The following LTBP1 variants were observed in gnomAD, a reference collection of about 807,000 sequenced individuals.
The protein encoded by LTBP1 is latent transforming growth factor beta binding protein 1.
Under a neutral mutation model 207.6 loss-of-function variants are expected in LTBP1, and 129 were observed. The ratio of observed to expected loss-of-function variants is 0.62; its 90% CI spans 0.54 to 0.72. The LOEUF (loss-of-function observed/expected upper bound fraction) is 0.72. Ranked by LOEUF, LTBP1 falls within the 30% of genes least tolerant of loss-of-function variation. The pLI is 0.00. For missense variants in LTBP1, 2,281 were observed against 2,217.2 expected (o/e 1.03, Z -0.58); for synonymous variants, 963 against 833.7 (o/e 1.16, Z -2.67).
At chr2:32,986,430 G>A (rs143555903) in intron 2 of LTBP1, among the ~76,000 whole-genome samples, 142 of 152,308 alleles carry the variant, frequency 9.3e-4, no homozygotes, top group Admixed American at 3.2e-3. Flanking sequence ...TTGTTTATTG[G>A]CAGGTAACTG....
At chr2:33,328,116 C>T (rs13414720) in intron 24 of LTBP1, among the ~76,000 whole-genome samples, 48,287 of 136,636 alleles carry the variant, frequency 0.35, 8,689 homozygotes, top group Non-Finnish European at 0.41. Flanking sequence ...GCTTGGACAA[C>T]AAGAGTGAGA....
chr2:33,274,902 G>C, intron 16 of LTBP1, 63 bp from the exon 17 acceptor site: 1 of 1,541,876 alleles, frequency 6.5e-7, no homozygotes, highest in Non-Finnish European at 8.9e-7. Flanking sequence ...GTATTTTACA[G>C]AACAGGGAAA....
At chr2:33,389,978 T>G (rs112029218) in intron 32 of LTBP1, among the ~76,000 whole-genome samples, 3 of 152,302 alleles carry the variant, frequency 2.0e-5, no homozygotes, top group African/African-American at 7.2e-5. Context: ...TCTCTTCTCT[T>G]TAAGTGGTGG....
intron 32 of LTBP1, among the ~76,000 whole-genome samples, chr2:33,391,388 A>G (rs1258966084): frequency 6.6e-6 from 1 of 152,082 alleles, no homozygotes; most frequent in African/African-American, 2.4e-5. Context: ...AAGACTGTGC[A>G]CTTAGGGTTT....
intron 5 of LTBP1, among the ~76,000 whole-genome samples, chr2:33,181,099 C>A (rs1312413525): frequency 6.6e-6 from 1 of 152,128 alleles, no homozygotes; most frequent in Admixed American, 6.6e-5. Flanking sequence ...TGTCTGCTGG[C>A]ACAGAAAGCC....
chr2:33,260,310 A>G (rs1210053452), intron 13 of LTBP1, among the ~76,000 whole-genome samples: 2 of 152,294 alleles, frequency 1.3e-5, no homozygotes, highest in African/African-American at 2.4e-5. Flanking sequence ...GAGAACTACT[A>G]TGATATATTG....
chr2:33,048,944 A>T (rs1253137591), intron 3 of LTBP1, among the ~76,000 whole-genome samples: 1 of 152,240 alleles, frequency 6.6e-6, no homozygotes, highest in African/African-American at 2.4e-5. Flanking sequence ...GGCCTTCTGC[A>T]TGATATTTAG....
At chr2:32,954,570 A>G (rs1192519180) in intron 2 of LTBP1, among the ~76,000 whole-genome samples, 1 of 85,836 alleles carries the variant, frequency 1.2e-5, no homozygotes, top group Non-Finnish European at 2.5e-5. Flanking sequence ...CAATGATCCC[A>G]TTTTACCTTG....
chr2:33,367,678 C>A (rs758380982), intron 31 of LTBP1, among the ~76,000 whole-genome samples: 5 of 152,096 alleles, frequency 3.3e-5, no homozygotes, highest in African/African-American at 1.2e-4. Flanking sequence ...GTAAAACACA[C>A]GATTTTATTC....
intron 3 of LTBP1, among the ~76,000 whole-genome samples, chr2:33,103,585 A>ATGTGTGTGTGTGTGTGTG (rs1558640670): frequency 1.8e-4 from 14 of 77,212 alleles, no homozygotes; most frequent in African/African-American, 5.4e-4. Flanking sequence ...GTCTCCGTTT[A>ATGTGTGTGTGTGTGTGTG]CGTGTGTGTG....
At position 33,118,212 on chromosome 2, in the gene LTBP1, A is replaced by C. The variant is rs200770258; in HGVS notation, c.1033+7461A>C. Reference sequence around the variant, plus strand: ...GTGCAAAAAAAAAAAAACAAAAAAAAAACAACAAAAAAAACTGTCTTTGGG... The same window carrying C: ...GTGCAAAAAAAAAAAAACAAAAAAACAACAACAAAAAAAACTGTCTTTGGG... On this transcript the variant is annotated intron_variant, in intron 4 of 33. Coordinates refer to ENST00000404816, the MANE Select transcript of LTBP1 (RefSeq NM_206943.4). 9.1e-3 allele frequency among the ~76,000 whole-genome samples: 1,374 copies of C among 151,792 alleles called. 15 individuals carry two copies. Among genetic ancestry groups the C allele is most frequent in the East Asian group, 0.015 (75 of 5,170 alleles).
chr2:33,092,195 G>A lies in LTBP1; in HGVS notation c.864-18387G>A, dbSNP rs202027547. On this transcript the variant is annotated intron_variant, in intron 3 of 33. Transcript: ENST00000404816. ...CGTGCGCATGCACACACACACACAC[G>A]CGCACACACACACACACACAGTTTG... Among the ~76,000 whole-genome samples the A allele has an allele frequency of 4.2e-3, 633 of 149,096 alleles. 3 individuals are homozygous for A. The highest frequency in any genetic ancestry group is 0.017 in the Middle Eastern group (5 of 292).
intron 3 of LTBP1, among the ~76,000 whole-genome samples, chr2:33,030,385 C>G (rs979981395): frequency 5.3e-5 from 8 of 152,154 alleles, no homozygotes; most frequent in South Asian, 2.1e-4. Context: ...GCTCTTTTCT[C>G]TCCCTCTCCA....
intron 31 of LTBP1, among the ~76,000 whole-genome samples, chr2:33,382,164 G>A (rs1052178246): frequency 3.9e-5 from 5 of 127,464 alleles, no homozygotes; most frequent in South Asian, 2.6e-4. Flanking sequence ...GTGCGATCTC[G>A]GTTCACTGCA....
At chr2:33,352,307 T>G (rs1304625418) in intron 26 of LTBP1, among the ~76,000 whole-genome samples, 1 of 152,034 alleles carries the variant, frequency 6.6e-6, no homozygotes, top group Non-Finnish European at 1.5e-5. Context: ...AATTTTTGTA[T>G]TTTTAGTAGA....
intron 7 of LTBP1, among the ~76,000 whole-genome samples, chr2:33,200,615 A>C (rs889092354): frequency 6.6e-6 from 1 of 152,236 alleles, no homozygotes; most frequent in Admixed American, 6.5e-5. Context: ...CAAAAGCCAA[A>C]ATTGACAAAT....
intron 5 of LTBP1, among the ~76,000 whole-genome samples, chr2:33,170,019 A>G (rs1001648312): frequency 6.6e-6 from 1 of 152,230 alleles, no homozygotes; most frequent in African/African-American, 2.4e-5. Flanking sequence ...ATCCAGGGGA[A>G]GCAGCCAAGA....
chr2:33,100,736 T>A (rs970376060), intron 3 of LTBP1, among the ~76,000 whole-genome samples: 2 of 152,178 alleles, frequency 1.3e-5, no homozygotes, highest in Non-Finnish European at 2.9e-5. Context: ...TCTACTCTAT[T>A]TTCTGTCTAT....
At chr2:33,351,631 C>T (rs1312442034) in intron 26 of LTBP1, among the ~76,000 whole-genome samples, 6 of 152,172 alleles carry the variant, frequency 3.9e-5, no homozygotes, top group Non-Finnish European at 7.3e-5. Flanking sequence ...AAATCAGGCC[C>T]TCTGACTTTT....
Sources: allele counts gnomAD v4.1 joint callset (sites outside exome capture counted in the v4.1 genomes callset), GRCh38; gene constraint gnomAD v4.1.1; transcripts MANE v1.5; gene names NCBI Gene and HGNC (gene_info 2026-07-23, HGNC 2026-07-21).